Variants in TSPOAP1 observed in about 807,000 individuals in gnomAD.
TSPOAP1 encodes the protein TSPO associated protein 1.
A neutral mutation model predicts 197.0 loss-of-function variants in TSPOAP1; 87 were observed. The ratio of observed to expected loss-of-function variants is 0.44; its 90% CI spans 0.37 to 0.53. The LOEUF (loss-of-function observed/expected upper bound fraction) is 0.53, where lower values mean the gene tolerates loss of function less well. Among genes scored for constraint, TSPOAP1 ranks in the 20% least tolerant of loss-of-function variants. The pLI is 0.00. For synonymous variants in TSPOAP1, 913 were observed against 998.9 expected (o/e 0.91, Z 1.62); for missense variants, 2,174 against 2,411.3 (o/e 0.90, Z 2.06).
rs1970802472 is a variant in TSPOAP1 at position 58,304,289 on chromosome 17, T to C, written c.*32+49A>G. The C allele has an allele frequency of 2.0e-6, 3 of 1,502,132 alleles. No individual in the cohort carries two copies. The highest frequency in any genetic ancestry group is 2.8e-5 in the African/African-American group (2 of 72,588). 93.1% of individuals were successfully genotyped at this position (1,502,132 alleles called of 1,614,324 possible). A position where few individuals can be genotyped will look rare whatever the true frequency, so the allele number is the denominator to read the frequency against. On this transcript the variant is annotated intron_variant, in intron 31 of 31. Transcript: ENST00000343736. The surrounding 1 kb of genome is among the most constrained non-coding windows in gnomAD (Gnocchi z 4.2). ...GAGACAAAGGAGCACTGTCTGATTA[T>C]GGTCAAGTGGGGGTGGACGGTCACA...
At chr17:58,316,629 A>G (rs1971245126) in intron 14 of TSPOAP1, 89 bp from the exon 15 acceptor site, 1 of 1,045,738 alleles carries the variant, frequency 9.6e-7, no homozygotes, top group Non-Finnish European at 1.4e-6. Flanking sequence ...CAGAGGACCT[A>G]TTGCTTTAAG....
In TSPOAP1 at chr17:58,302,437, C is replaced by T; in HGVS notation, c.*43G>A. On this transcript the variant is annotated 3_prime_UTR_variant, in exon 32 of 32. Transcript: ENST00000343736. ...GGGCCCTGGGGACCCTTGTGTGGTG[C>T]AGCCCCAGTCCTGAAATGTGAGACA... 8.0e-7 allele frequency: 1 copy of T among 1,254,960 alleles called. No homozygotes were observed. Among genetic ancestry groups the T allele is most frequent in the Non-Finnish European group, 1.0e-6 (1 of 974,896 alleles). 77.7% of individuals were successfully genotyped at this position (1,254,960 alleles called of 1,614,324 possible). A position where few individuals can be genotyped will look rare whatever the true frequency, so the allele number is the denominator to read the frequency against.
chr17:58,320,698 GA>G, intron 10 of TSPOAP1, 117 bp from the exon 11 acceptor site: 1 of 776,812 alleles, frequency 1.3e-6, no homozygotes, highest in Non-Finnish European at 1.9e-6. Context: ...GAAGCCGGGA[GA>G]AAGAAAAGGG....
chr17:58,310,333 G>T (rs1191623294), intron 20 of TSPOAP1, among the ~76,000 whole-genome samples, 175 bp from the exon 21 acceptor site: 1 of 152,198 alleles, frequency 6.6e-6, no homozygotes. Flanking sequence ...GAAGGGAGAT[G>T]GGAGCCACAT....
intron 5 of TSPOAP1, 68 bp from the exon 6 acceptor site, chr17:58,323,613 A>G (rs757180987): frequency 3.0e-4 from 465 of 1,537,964 alleles, no homozygotes; most frequent in Non-Finnish European, 3.9e-4. Flanking sequence ...GCCCCAGCCC[A>G]GCCTGCCCAG....
chr17:58,328,181 G>A lies in TSPOAP1; in HGVS notation c.-261C>T. The A allele has an allele frequency of 1.9e-6, 1 of 529,108 alleles. No homozygotes were observed. Among genetic ancestry groups the A allele is most frequent in the South Asian group, 2.3e-5 (1 of 42,852 alleles). 32.8% of individuals were successfully genotyped at this position (529,108 alleles called of 1,614,324 possible). On this transcript the variant is annotated 5_prime_UTR_variant, in exon 1 of 32. Coordinates refer to ENST00000343736, the MANE Select transcript of TSPOAP1 (RefSeq NM_004758.4). This position sits in a 1 kb window ranked among gnomAD's most constrained non-coding sequence, Gnocchi z 4.3. Reference sequence around the variant, plus strand: ...TGCGCGAGTATGTGGAGGAGCGAGGGTGTCCCTGTGGGGGTAGGGAGGATG... The same window carrying A: ...TGCGCGAGTATGTGGAGGAGCGAGGATGTCCCTGTGGGGGTAGGGAGGATG...
At chr17:58,315,826 A>G (rs1357890108) in intron 16 of TSPOAP1, among the ~76,000 whole-genome samples, 197 bp downstream of exon 16, 3 of 152,062 alleles carry the variant, frequency 2.0e-5, no homozygotes, top group African/African-American at 7.3e-5. Flanking sequence ...AGTGGCTACT[A>G]GGTCTCTGTA....
In TSPOAP1 at chr17:58,322,634, C is replaced by T; in HGVS notation, c.1317+20G>A. The T allele has an allele frequency of 6.2e-7, 1 of 1,607,126 alleles. No homozygotes were observed. On this transcript the variant is annotated intron_variant, in intron 9 of 31. Transcript: ENST00000343736. The surrounding 1 kb of genome is among the most constrained non-coding windows in gnomAD (Gnocchi z 5.0). ...CATGCCAGGGCCCAGCACCCTCTCCCACCTGCACCATCTCCTCACCTTCAG... is the reference window on the plus strand; with the variant it reads ...CATGCCAGGGCCCAGCACCCTCTCCTACCTGCACCATCTCCTCACCTTCAG...
rs541087905 is a variant in TSPOAP1, at chr17:58,304,460, G to A, written c.5545-61C>T. On this transcript the variant is annotated intron_variant, in intron 30 of 31. Transcript: ENST00000343736. This position sits in a 1 kb window ranked among gnomAD's most constrained non-coding sequence, Gnocchi z 4.2. ...CGACAGACCCGCACCTTCTCCGCCC[G>A]GCCACCAGGTGGCCCTGCGCAGGGG... The A allele has an allele frequency of 6.5e-5, 95 of 1,458,822 alleles. No homozygotes were observed. The highest frequency in any genetic ancestry group is 1.9e-4 in the South Asian group (17 of 87,820). 90.4% of individuals were successfully genotyped at this position (1,458,822 alleles called of 1,614,324 possible).
Position 58,322,284 on chromosome 17 carries a change from C to A in TSPOAP1, c.1422+24G>T. ...GCAAAGCTGGTGTCCAGCAGCCTGC[C>A]AGCTTCCCTCACTGCCGCCCCACCT... On this transcript the variant is annotated intron_variant, in intron 10 of 31. Coordinates refer to ENST00000343736, the MANE Select transcript of TSPOAP1 (RefSeq NM_004758.4). The surrounding 1 kb of genome is among the most constrained non-coding windows in gnomAD (Gnocchi z 5.0). The A allele has an allele frequency of 6.3e-7, 1 of 1,597,496 alleles. No individual in the cohort carries two copies. The highest frequency in any genetic ancestry group is 1.1e-5 in the South Asian group (1 of 90,836).
At position 58,322,384 on chromosome 17, in the gene TSPOAP1, T is replaced by C; in HGVS notation, c.1346A>G (p.Gln449Arg). The change falls in exon 10 of 32, where the codon CAG (glutamine) becomes CGG (arginine). Residue 449 changes from glutamine to arginine, a missense_variant. Physicochemically the swap from Gln to Arg is conservative, Grantham distance 43 (BLOSUM62 1). Around this residue, in one of 5 missense-constraint regions of TSPOAP1, gnomAD observed 1,933 missense variants for 2,139.0 expected, o/e 0.90. Coordinates refer to ENST00000343736, the MANE Select transcript of TSPOAP1 (RefSeq NM_004758.4). This position sits in a 1 kb window ranked among gnomAD's most constrained non-coding sequence, Gnocchi z 5.0. ...KHMREVAQRR[Q>R]QLEVEHEQAR... ...CTGTTCATGCTCCACCTCCAGCTGC[T>C]GCCGCCGCTGGGCCACCTCCCGCAT... is the stretch of plus-strand genomic sequence containing the variant. 6.2e-7 allele frequency: 1 copy of C among 1,606,342 alleles called. No homozygotes were observed. Among genetic ancestry groups the C allele is most frequent in the Non-Finnish European group, 8.5e-7 (1 of 1,179,974 alleles).
At position 58,319,952 on chromosome 17, in the gene TSPOAP1, G is replaced by A. The variant is rs1360421002; in HGVS notation, c.1494+157C>T. Among the ~76,000 whole-genome samples the A allele has an allele frequency of 5.3e-5, 8 of 152,230 alleles. No homozygotes were observed. The South Asian group carries it at 6.2e-4, about 12-fold the overall frequency. On this transcript the variant is annotated intron_variant, in intron 12 of 31. Transcript: ENST00000343736. ...GCCTGGGACAAGGGGACAGCCGCAC[G>A]TGTCCTGTGGGAACTCCACCCCCTA...
Position 58,325,668 on chromosome 17 carries a change from G to A in TSPOAP1, c.616C>T (p.Arg206Trp), listed in dbSNP as rs753524344. 9.3e-6 allele frequency: 15 copies of A among 1,612,804 alleles called. No individual in the cohort carries two copies. Among genetic ancestry groups the A allele is most frequent in the East Asian group, 4.5e-5 (2 of 44,888 alleles). The change falls in exon 4 of 32, where the codon CGG becomes TGG. Residue 206 changes from arginine to tryptophan, a missense_variant. Transcript: ENST00000343736. Reference protein sequence around the residue: ...PRPGTSLELCRKALARQRARD... With the variant: ...PRPGTSLELCWKALARQRARD... ...GCTCGCTGGCGGGCTAGGGCCTTCC[G>A]ACACAACTCCAAGCTGGTCCCCGGC...
intron 26 of TSPOAP1, 32 bp from the exon 27 acceptor site, chr17:58,305,897 C>T: frequency 6.9e-6 from 11 of 1,603,502 alleles, no homozygotes; most frequent in Non-Finnish European, 9.4e-6. Context: ...GAGCCCCCTC[C>T]CACCCTGCCC....
In TSPOAP1 at chr17:58,311,730, C is replaced by A; in HGVS notation, c.2930-8G>T. Reference sequence around the variant, plus strand: ...GAGGGGCATCAGGTGGGCCTGGGGGCAGGGGGGCACAAGACCCAGTGATGC... The same window carrying A: ...GAGGGGCATCAGGTGGGCCTGGGGGAAGGGGGGCACAAGACCCAGTGATGC... On this transcript the variant is annotated splice_polypyrimidine_tract_variant and splice_region_variant and intron_variant, in intron 17 of 31. Coordinates refer to ENST00000343736, the MANE Select transcript of TSPOAP1 (RefSeq NM_004758.4). 2 of 1,554,922 alleles carry A rather than the reference C, an allele frequency of 1.3e-6. No individual in the cohort carries two copies. Among genetic ancestry groups the A allele is most frequent in the South Asian group, 1.2e-5 (1 of 82,850 alleles).
chr17:58,308,359 C>G (rs1195541592), intron 22 of TSPOAP1, among the ~76,000 whole-genome samples, 182 bp downstream of exon 22: 2 of 152,262 alleles, frequency 1.3e-5, no homozygotes, highest in Non-Finnish European at 1.5e-5. Flanking sequence ...CAGTCCTGAT[C>G]AGCAGAAGCA....
rs766946300 is a variant in TSPOAP1, at chr17:58,305,389, A to G, written c.5431T>C (p.Tyr1811His). 6.2e-7 allele frequency: 1 copy of G among 1,613,876 alleles called. No homozygotes were observed. ...FGGMDDDGFY[Y>H]GELNGQRGLV... ...ACCCTCCCCAACAATGTTCTCACATAGTAGAAACCGTCATCGTCCATGCCC... is the reference window on the plus strand; with the variant it reads ...ACCCTCCCCAACAATGTTCTCACATGGTAGAAACCGTCATCGTCCATGCCC... Residue 1811 changes from tyrosine (Y) to histidine (H), a missense_variant and splice_region_variant, in exon 29 of 32, where the codon TAT (tyrosine) becomes CAT (histidine). Tyr to His is a moderately conservative substitution (Grantham distance 83). Around this residue, in one of 5 missense-constraint regions of TSPOAP1, gnomAD observed 60 missense variants for 56.2 expected, o/e 1.07. Transcript: ENST00000343736.
Position 58,308,567 on chromosome 17 carries a change from C to T in TSPOAP1, c.4705G>A (p.Gly1569Ser). 6.4e-7 allele frequency: 1 copy of T among 1,552,298 alleles called. No individual in the cohort carries two copies. Among genetic ancestry groups the T allele is most frequent in the South Asian group, 1.2e-5 (1 of 81,894 alleles). ...EPERRGRSAT[G>S]RAKEPLSRAT... ...CGGGAGAGTGGCTCCTTGGCTCTGCCCGTCGCACTGCGGCCTCTCCGCTCT... is the reference window on the plus strand; with the variant it reads ...CGGGAGAGTGGCTCCTTGGCTCTGCTCGTCGCACTGCGGCCTCTCCGCTCT... The change falls in exon 22 of 32, where the codon GGC (glycine) becomes AGC (serine). Residue 1569 changes from glycine (G) to serine (S), a missense_variant. Coordinates refer to ENST00000343736, the MANE Select transcript of TSPOAP1 (RefSeq NM_004758.4).
intron 5 of TSPOAP1, 136 bp from the exon 6 acceptor site, chr17:58,323,681 G>T: frequency 2.4e-6 from 2 of 849,146 alleles, no homozygotes; most frequent in Admixed American, 2.7e-5. Context: ...CAAGAGCAAA[G>T]AGGGGTACTG....
Sources: gnomAD v4.1 joint callset for allele counts (sites outside exome capture counted in the v4.1 genomes callset) on GRCh38, gnomAD v4.1.1 for gene constraint, gnomAD v4.1.1 regional missense constraint, Gnocchi (gnomAD v3.1) non-coding constraint, MANE v1.5 for transcripts, NCBI Gene and HGNC (gene_info 2026-07-23, HGNC 2026-07-21) for gene names.